The following ARFIP1 variants were observed in gnomAD, a reference collection of about 807,000 sequenced individuals.
ARFIP1 encodes the protein ARF interacting protein 1.
A neutral mutation model predicts 42.5 loss-of-function variants in ARFIP1; 24 were observed. The ratio of observed to expected loss-of-function variants is 0.57; its 90% CI spans 0.41 to 0.80. The LOEUF is 0.80. Among genes scored for constraint, ARFIP1 ranks in the 30% least tolerant of loss-of-function variants. The probability of loss-of-function intolerance (pLI) is 0.00; values close to 1 mark genes in which losing one functional copy is unlikely to be tolerated. For missense variants in ARFIP1, 354 were observed against 434.0 expected (o/e 0.82, Z 1.64); for synonymous variants, 141 against 153.7 (o/e 0.92, Z 0.61).
intron 1 of ARFIP1, among the ~76,000 whole-genome samples, chr4:152,809,135 A>G (rs1396550148): frequency 2.0e-5 from 3 of 152,184 alleles, no homozygotes; most frequent in Non-Finnish European, 4.4e-5. Flanking sequence ...TTGTGTAAAT[A>G]CAAAAGATAT....
chr4:152,849,995 T>C (rs919399417), intron 2 of ARFIP1, among the ~76,000 whole-genome samples: 6 of 152,288 alleles, frequency 3.9e-5, no homozygotes, highest in South Asian at 4.1e-4. Flanking sequence ...CCTGACACTT[T>C]TTTGGCATGT....
At chr4:152,866,379 T>C (rs1734341600) in intron 3 of ARFIP1, among the ~76,000 whole-genome samples, 1 of 152,338 alleles carries the variant, frequency 6.6e-6, no homozygotes, top group East Asian at 1.9e-4. Context: ...CAGTGAGCTG[T>C]TGGGTACACC....
At chr4:152,866,348 A>G (rs916671859) in intron 3 of ARFIP1, among the ~76,000 whole-genome samples, 10 of 152,222 alleles carry the variant, frequency 6.6e-5, no homozygotes, top group African/African-American at 9.6e-5. Context: ...CAAAACCGCC[A>G]TTGTCATCAT....
intron 8 of ARFIP1, among the ~76,000 whole-genome samples, chr4:152,892,944 C>CT: frequency 6.6e-6 from 1 of 152,212 alleles, no homozygotes; most frequent in South Asian, 2.1e-4. Flanking sequence ...TTTTTGAGAC[C>CT]TTTAAATAAT....
intron 1 of ARFIP1, among the ~76,000 whole-genome samples, chr4:152,783,107 G>T (rs1730599697): frequency 6.6e-6 from 1 of 152,128 alleles, no homozygotes; most frequent in African/African-American, 2.4e-5. Context: ...GATGTCAGGA[G>T]TTCAAAACCT....
At chr4:152,867,643 T>C (rs1312052833) in intron 3 of ARFIP1, among the ~76,000 whole-genome samples, 1 of 152,208 alleles carries the variant, frequency 6.6e-6, no homozygotes, top group African/African-American at 2.4e-5. Context: ...AGTTATTGTA[T>C]AATGGTATTA....
In ARFIP1 at chr4:152,800,901, A is replaced by G. The variant is rs545866191; in HGVS notation, c.-10+20675A>G. ...AGCCAGGAATATCAGTGAAGGTGCC[A>G]TTTATTCTGAAGTCTTATAGCGTGG... is the stretch of plus-strand genomic sequence containing the variant. On this transcript the variant is annotated intron_variant, in intron 1 of 8. Transcript: ENST00000353617. Among the ~76,000 whole-genome samples the G allele has an allele frequency of 5.3e-5, 8 of 152,284 alleles. 1 individual carries two copies. In the East Asian group the frequency reaches 1.5e-3, roughly 29 times the overall value.
At chr4:152,829,479 T>A (rs1283711952) in intron 1 of ARFIP1, 146 bp from the exon 2 acceptor site, 1 of 460,362 alleles carries the variant, frequency 2.2e-6, no homozygotes, top group Admixed American at 3.6e-5. Context: ...TTTAAAATTA[T>A]ATATGTATTC....
chr4:152,785,991 T>C (rs1012093416), intron 1 of ARFIP1, among the ~76,000 whole-genome samples: 48 of 152,218 alleles, frequency 3.2e-4, no homozygotes, highest in African/African-American at 1.0e-3. Context: ...ATGTGATACA[T>C]AATTCCTATA....
At chr4:152,869,584 G>GTGCC (rs1301073797) in intron 3 of ARFIP1, among the ~76,000 whole-genome samples, 1 of 147,804 alleles carries the variant, frequency 6.8e-6, no homozygotes, top group Non-Finnish European at 1.5e-5. Flanking sequence ...GAGTAGCTGG[G>GTGCC]ACTACAGGCT....
intron 8 of ARFIP1, among the ~76,000 whole-genome samples, chr4:152,904,790 A>G (rs189126462): frequency 1.4e-4 from 21 of 152,232 alleles, no homozygotes; most frequent in Admixed American, 9.2e-4. Flanking sequence ...TATCTGGTCT[A>G]TCATTGATGG....
chr4:152,884,209 A>AG (rs1483236509), intron 7 of ARFIP1, among the ~76,000 whole-genome samples: 2 of 152,046 alleles, frequency 1.3e-5, no homozygotes, highest in African/African-American at 4.8e-5. Context: ...GGTTGTATGG[A>AG]GGGGTAAGGG....
chr4:152,903,857 A>G (rs1421575270), intron 8 of ARFIP1, among the ~76,000 whole-genome samples: 1 of 152,072 alleles, frequency 6.6e-6, no homozygotes, highest in East Asian at 1.9e-4. Flanking sequence ...GTGGGGAAAC[A>G]AACTGACTTA....
chr4:152,796,838 G>A (rs1731499375), intron 1 of ARFIP1: 4 of 561,414 alleles, frequency 7.1e-6, no homozygotes, highest in Non-Finnish European at 1.3e-5. Context: ...GTGGCACAGT[G>A]ACGGCTGCAG....
chr4:152,787,827 A>G (rs1211939316), intron 1 of ARFIP1, among the ~76,000 whole-genome samples: 1 of 152,246 alleles, frequency 6.6e-6, no homozygotes, highest in African/African-American at 2.4e-5. Flanking sequence ...CCAAATGCCA[A>G]AAAAATCTGA....
At chr4:152,815,946 G>T (rs369173900) in intron 1 of ARFIP1, among the ~76,000 whole-genome samples, 1 of 151,506 alleles carries the variant, frequency 6.6e-6, no homozygotes, top group East Asian at 1.9e-4. Context: ...GGGTTTCACC[G>T]TTTTAGCCGG....
In ARFIP1 at chr4:152,829,773, T is replaced by C. The variant is rs79395166; in HGVS notation, c.93+47T>C. ...TTAATGCAAAGAATCATGGTAAGTC[T>C]TTAAATGTTGAGATGAAAGTAATAG... On this transcript the variant is annotated intron_variant, in intron 2 of 8. Coordinates refer to ENST00000353617, the MANE Select transcript of ARFIP1 (RefSeq NM_001025595.3). 1.0e-3 allele frequency: 1,420 copies of C among 1,403,954 alleles called. 11 individuals are homozygous for C. The African/African-American group carries it at 0.018, about 18-fold the overall frequency. The allele number at this position is 1,403,954 out of a possible 1,614,324, so 87.0% of individuals were successfully genotyped here. A position where few individuals can be genotyped will look rare whatever the true frequency, so the allele number is the denominator to read the frequency against.
chr4:152,858,761 C>T (rs1733637969), intron 2 of ARFIP1, among the ~76,000 whole-genome samples: 2 of 152,128 alleles, frequency 1.3e-5, no homozygotes, highest in Middle Eastern at 3.4e-3. Context: ...AGTGAGGGGA[C>T]ACAAAAATAA....
At chr4:152,876,714 A>G (rs1303145824) in intron 5 of ARFIP1, among the ~76,000 whole-genome samples, 1 of 152,232 alleles carries the variant, frequency 6.6e-6, no homozygotes, top group Non-Finnish European at 1.5e-5. Context: ...AGCCCCTTCC[A>G]TCACAGGCCT....
Sources: allele counts gnomAD v4.1 joint callset (sites outside exome capture counted in the v4.1 genomes callset), GRCh38; gene constraint gnomAD v4.1.1; transcripts MANE v1.5; gene names NCBI Gene and HGNC (gene_info 2026-07-23, HGNC 2026-07-21).